Variants in RIMS3 observed in about 807,000 individuals in gnomAD.
The protein encoded by RIMS3 is regulating synaptic membrane exocytosis 3.
A neutral mutation model predicts 29.2 loss-of-function variants in RIMS3; 15 were observed. The observed-to-expected ratio is 0.51, with a 90% CI of 0.34 to 0.79. RIMS3 has a LOEUF of 0.79. Ranked by LOEUF, RIMS3 falls within the 30% of genes least tolerant of loss-of-function variation. The pLI, the probability that RIMS3 is intolerant of heterozygous loss-of-function variation, is 0.01. For missense variants in RIMS3, 342 were observed against 421.4 expected, an observed-to-expected ratio of 0.81 and a Z score of 1.65; for synonymous variants, 161 against 170.1, an observed-to-expected ratio of 0.95 and a Z score of 0.41.
chr1:40,660,249 G>A (rs944442859), intron 1 of RIMS3, among the ~76,000 whole-genome samples: 5 of 152,070 alleles, frequency 3.3e-5, no homozygotes, highest in African/African-American at 4.8e-5. Flanking sequence ...GAGATGAACC[G>A]GGGACCTTAA....
intron 1 of RIMS3, among the ~76,000 whole-genome samples, chr1:40,650,216 G>T (rs1293290786): frequency 1.3e-5 from 2 of 152,182 alleles, no homozygotes; most frequent in Non-Finnish European, 2.9e-5. Context: ...GGGCCGCTGG[G>T]GTCACCCAGC....
intron 5 of RIMS3, among the ~76,000 whole-genome samples, chr1:40,629,578 T>C (rs1002671419): frequency 6.6e-6 from 1 of 151,880 alleles, no homozygotes; most frequent in African/African-American, 2.4e-5. Flanking sequence ...TGGGGTGGGT[T>C]GGGGTAGGGG....
chr1:40,645,371 A>C (rs1646587640), intron 2 of RIMS3, among the ~76,000 whole-genome samples: 1 of 152,192 alleles, frequency 6.6e-6, no homozygotes, highest in Non-Finnish European at 1.5e-5. Context: ...ACTGAGTCTC[A>C]GAGAAGTAAA....
chr1:40,673,160 C>T, the RIMS3 span, among the ~76,000 whole-genome samples: 1 of 151,912 alleles, frequency 6.6e-6, no homozygotes, highest in African/African-American at 2.4e-5. Flanking sequence ...AGCCTGGAGA[C>T]ACAGCAAGGC....
chr1:40,667,897 G>A (rs1205644360), upstream of RIMS3, among the ~76,000 whole-genome samples: 2 of 152,210 alleles, frequency 1.3e-5, no homozygotes, highest in Non-Finnish European at 2.9e-5. Context: ...GGGAGGTTGA[G>A]GCGGGCAGAT....
chr1:40,626,393 A>G lies in RIMS3; in HGVS notation c.*124T>C. The G allele has an allele frequency of 1.1e-6, 1 of 900,444 alleles. No homozygotes were observed. The highest frequency in any genetic ancestry group is 1.8e-6 in the Non-Finnish European group (1 of 566,120). 55.8% of individuals were successfully genotyped at this position (900,444 alleles called of 1,614,324 possible). A position where few individuals can be genotyped will look rare whatever the true frequency, so the allele number is the denominator to read the frequency against. On this transcript the variant is annotated 3_prime_UTR_variant, in exon 8 of 8. Coordinates refer to ENST00000372684, the MANE Select transcript of RIMS3 (RefSeq NM_014747.3). ...CTCCACTGCCAGCTGGGATGAGCCC[A>G]GTAGCCAACAGGCATGCAGCAGGAC...
rs1646445592 is a variant in RIMS3, at chr1:40,625,131, G to C, written c.*1386C>G. 1 of 152,486 alleles carries C rather than the reference G, an allele frequency of 6.6e-6. No homozygotes were observed. Among genetic ancestry groups the C allele is most frequent in the African/African-American group, 2.4e-5 (1 of 41,440 alleles). 9.4% of individuals were successfully genotyped at this position (152,486 alleles called of 1,614,324 possible). ...GACAGATTTCACAGGGTCCAGTTCA[G>C]GCACTGGTCTCCACCAACAGGGCCC... On this transcript the variant is annotated 3_prime_UTR_variant, in exon 8 of 8. Coordinates refer to ENST00000372684, the MANE Select transcript of RIMS3 (RefSeq NM_014747.3).
At chr1:40,655,326 A>C (rs1426038652) in intron 1 of RIMS3, among the ~76,000 whole-genome samples, 1 of 152,030 alleles carries the variant, frequency 6.6e-6, no homozygotes, top group Non-Finnish European at 1.5e-5. Flanking sequence ...AGGAAGCAGA[A>C]GAACTGTAGG....
In RIMS3 at chr1:40,622,432, TCTC is replaced by T. The variant is rs1475932273; in HGVS notation, c.*4082_*4084del. The T allele has an allele frequency of 1.3e-5, 2 of 152,184 alleles. No homozygotes were observed. Among genetic ancestry groups the T allele is most frequent in the African/African-American group, 4.8e-5 (2 of 41,420 alleles). The allele number at this position is 152,184 out of a possible 1,614,324, so 9.4% of individuals were successfully genotyped here. ...GCGGGGGGATGTGTCCACATTTTCATCTCCTCCCTGACTACTCAGTGAAAGACA... is the reference window on the plus strand; with the variant it reads ...GCGGGGGGATGTGTCCACATTTTCATCTCCCTGACTACTCAGTGAAAGACA... On this transcript the variant is annotated 3_prime_UTR_variant, in exon 8 of 8. Transcript: ENST00000372684.
At chr1:40,656,213 G>A (rs542748883) in intron 1 of RIMS3, among the ~76,000 whole-genome samples, 24 of 152,148 alleles carry the variant, frequency 1.6e-4, no homozygotes, top group African/African-American at 5.8e-4. Flanking sequence ...CAGCCTGAGC[G>A]ACAGAGTGAG....
At position 40,622,865 on chromosome 1, in the gene RIMS3, T is replaced by C. The variant is rs1646431392; in HGVS notation, c.*3652A>G. 6.5e-6 allele frequency: 1 copy of C among 152,732 alleles called. No individual in the cohort carries two copies. The highest frequency in any genetic ancestry group is 2.1e-4 in the South Asian group (1 of 4,828). The allele number at this position is 152,732 out of a possible 1,614,324, so 9.5% of individuals were successfully genotyped here. A position where few individuals can be genotyped will look rare whatever the true frequency, so the allele number is the denominator to read the frequency against. On this transcript the variant is annotated 3_prime_UTR_variant, in exon 8 of 8. Coordinates refer to ENST00000372684, the MANE Select transcript of RIMS3 (RefSeq NM_014747.3). Reference sequence around the variant, plus strand: ...TCAGCAACTCCTGGGCAGCAGGGCATGGAAGAGGGACCCTGGTTGCATGTC... The same window carrying C: ...TCAGCAACTCCTGGGCAGCAGGGCACGGAAGAGGGACCCTGGTTGCATGTC...
upstream of RIMS3, among the ~76,000 whole-genome samples, chr1:40,665,892 C>A (rs1642419796): frequency 6.6e-6 from 1 of 152,144 alleles, no homozygotes; most frequent in East Asian, 1.9e-4. Context: ...CTCTCCGTGT[C>A]CCTAGGACTC....
At position 40,628,873 on chromosome 1, in the gene RIMS3, G is replaced by A. The variant is rs772040720; in HGVS notation, c.651C>T (p.Thr217=). The A allele has an allele frequency of 5.6e-5, 90 of 1,613,954 alleles. 2 individuals are homozygous for A. The South Asian group carries it at 9.7e-4, about 17-fold the overall frequency. ...AKKKTKMTKK[T]CDPLYQQALL... ...GAGCCTGCTGGTACAGGGGATCACA[G>A]GTCTTCTTGGTCATCTTTGTCTTCT... is the stretch of plus-strand genomic sequence containing the variant. Residue 217 remains threonine (T), a synonymous_variant, in exon 7 of 8, where the codon ACC becomes ACT. Coordinates refer to ENST00000372684, the MANE Select transcript of RIMS3 (RefSeq NM_014747.3).
upstream of RIMS3, among the ~76,000 whole-genome samples, chr1:40,670,548 A>T (rs1419700239): frequency 7.4e-6 from 1 of 135,140 alleles, no homozygotes; most frequent in Admixed American, 7.9e-5. Flanking sequence ...TAGGATATAA[A>T]TTTTCCATAA....
chr1:40,691,788 G>A, the RIMS3 span: 1 of 452,324 alleles, frequency 2.2e-6, no homozygotes, highest in Non-Finnish European at 4.4e-6. Flanking sequence ...CCTCCCCTCC[G>A]CCGCGCCTGG....
the RIMS3 span, among the ~76,000 whole-genome samples, chr1:40,683,284 T>C: frequency 1.3e-5 from 2 of 152,358 alleles, no homozygotes; most frequent in East Asian, 3.9e-4. Context: ...CAAGTTGAAA[T>C]TTAATTGCTA....
chr1:40,684,624 G>A, the RIMS3 span, among the ~76,000 whole-genome samples: 1 of 152,194 alleles, frequency 6.6e-6, no homozygotes, highest in African/African-American at 2.4e-5. Context: ...AGCAAGGGAA[G>A]GAAATGTTTG....
In RIMS3 at chr1:40,650,946, C is replaced by T. The variant is rs76665968; in HGVS notation, c.-206-3104G>A. Among the ~76,000 whole-genome samples, 219 of 151,974 alleles carry T rather than the reference C, an allele frequency of 1.4e-3. 1 individual carries two copies. The East Asian group carries it at 0.038, about 26-fold the overall frequency. On this transcript the variant is annotated intron_variant, in intron 1 of 7. Transcript: ENST00000372684. ...GCCTGGCATACCTTCTCTGCCCCCA[C>T]CCCCATGATCTGGTGGCCCCAAACT...
intron 2 of RIMS3, among the ~76,000 whole-genome samples, chr1:40,642,212 T>C (rs938645577): frequency 1.3e-5 from 2 of 152,216 alleles, no homozygotes; most frequent in East Asian, 1.9e-4. Context: ...TGGAGTCACA[T>C]GGCCCGGGCT....
Sources: gnomAD v4.1 joint callset for allele counts (sites outside exome capture counted in the v4.1 genomes callset) on GRCh38, gnomAD v4.1.1 for gene constraint, MANE v1.5 for transcripts, NCBI Gene and HGNC (gene_info 2026-07-23, HGNC 2026-07-21) for gene names.